Variants in ARHGEF28 observed in about 807,000 individuals in gnomAD.
The protein encoded by ARHGEF28 is 190 kDa guanine nucleotide exchange factor.
ARHGEF28 carries 152 observed loss-of-function variants against 206.6 expected under a neutral mutation model. The ratio of observed to expected loss-of-function variants is 0.74; its 90% CI spans 0.64 to 0.84. The LOEUF (loss-of-function observed/expected upper bound fraction) is 0.84, where lower values mean the gene tolerates loss of function less well. Among genes scored for constraint, ARHGEF28 ranks in the 40% least tolerant of loss-of-function variants. The pLI is 0.00. For missense variants in ARHGEF28, 2,028 were observed against 2,073.2 expected, an observed-to-expected ratio of 0.98 and a Z score of 0.42; for synonymous variants, 763 against 776.4, an observed-to-expected ratio of 0.98 and a Z score of 0.29.
At chr5:73,881,530 G>C (rs2973582) in intron 22 of ARHGEF28, among the ~76,000 whole-genome samples, 2 of 151,922 alleles carry the variant, frequency 1.3e-5, no homozygotes, top group African/African-American at 2.4e-5. Flanking sequence ...GTACCCAGGT[G>C]ATTTTTTTGA....
chr5:73,630,214 A>G (rs995092975), intron 1 of ARHGEF28, among the ~76,000 whole-genome samples: 2 of 152,236 alleles, frequency 1.3e-5, no homozygotes, highest in Non-Finnish European at 2.9e-5. Flanking sequence ...TTTTCAATTC[A>G]TTATCAAACA....
intron 35 of ARHGEF28, among the ~76,000 whole-genome samples, chr5:73,920,588 C>T (rs1411738126): frequency 1.8e-5 from 2 of 111,916 alleles, no homozygotes; most frequent in African/African-American, 6.9e-5. Context: ...CTCACTCTTT[C>T]GCCCAAGCTG....
chr5:73,760,999 G>A (rs543470834), intron 4 of ARHGEF28, among the ~76,000 whole-genome samples: 70 of 152,306 alleles, frequency 4.6e-4, no homozygotes, highest in African/African-American at 1.5e-3. Context: ...CGTAGAGTTG[G>A]ATTCCGGTCA....
At chr5:73,659,485 G>A (rs369559424) in intron 1 of ARHGEF28, among the ~76,000 whole-genome samples, 4 of 151,668 alleles carry the variant, frequency 2.6e-5, no homozygotes, top group East Asian at 1.9e-4. Context: ...AGCCGAGATC[G>A]GCCACTGCAC....
At chr5:73,644,817 G>A (rs1393179416) in intron 1 of ARHGEF28, among the ~76,000 whole-genome samples, 1 of 152,144 alleles carries the variant, frequency 6.6e-6, no homozygotes, top group Non-Finnish European at 1.5e-5. Context: ...TCTGGCAGGT[G>A]GGAGCTGGGA....
intron 9 of ARHGEF28, among the ~76,000 whole-genome samples, chr5:73,816,998 A>G (rs1213823616): frequency 6.6e-6 from 1 of 152,226 alleles, no homozygotes; most frequent in African/African-American, 2.4e-5. Context: ...AGGAGATTCA[A>G]TCAAGAAATG....
At chr5:73,807,464 G>A (rs930868624) in intron 9 of ARHGEF28, among the ~76,000 whole-genome samples, 10 of 151,642 alleles carry the variant, frequency 6.6e-5, no homozygotes, top group African/African-American at 2.4e-4. Flanking sequence ...TAACCAAATG[G>A]TGGAAGCTTT....
chr5:73,846,282 C>T lies in ARHGEF28; in HGVS notation c.1442C>T (p.Ala481Val). Reference sequence around the variant, plus strand: ...TTGTGCTTTAGTTCTAGCCTTGATGCCTTGGACGCCGACAGTGAAGGGGAA... The same window carrying T: ...TTGTGCTTTAGTTCTAGCCTTGATGTCTTGGACGCCGACAGTGAAGGGGAA... ...HLKKRSSSLD[A>V]LDADSEGEGH... Residue 481 changes from alanine (A) to valine (V), a missense_variant, in exon 12 of 36, where the codon GCC becomes GTC. By Grantham distance (64) the Ala-to-Val change is moderately conservative. This residue lies in a region of ARHGEF28 where 1,002 missense variants were observed against 1,015.3 expected (regional missense o/e 0.99). Coordinates refer to ENST00000513042, the MANE Select transcript of ARHGEF28 (RefSeq NM_001177693.2). 1 of 1,613,374 alleles carries T rather than the reference C, an allele frequency of 6.2e-7. No homozygotes were observed. The highest frequency in any genetic ancestry group is 1.3e-5 in the African/African-American group (1 of 74,964).
At chr5:73,722,240 A>G (rs1561357301) in intron 2 of ARHGEF28, among the ~76,000 whole-genome samples, 1 of 152,376 alleles carries the variant, frequency 6.6e-6, no homozygotes, top group Non-Finnish European at 1.5e-5. Context: ...ATTCTTGAAC[A>G]TCCATGACAT....
At chr5:73,885,387 C>T (rs181424789) in intron 24 of ARHGEF28, among the ~76,000 whole-genome samples, 134 of 152,176 alleles carry the variant, frequency 8.8e-4, no homozygotes, top group African/African-American at 2.9e-3. Context: ...TCAGCTGAAG[C>T]ACATTTAATC....
chr5:73,693,891 G>C (rs1748007550), intron 2 of ARHGEF28, among the ~76,000 whole-genome samples: 1 of 71,398 alleles, frequency 1.4e-5, no homozygotes, highest in African/African-American at 6.1e-5. Flanking sequence ...TTCTGAGGGG[G>C]CAAACAAATT....
intron 1 of ARHGEF28, among the ~76,000 whole-genome samples, chr5:73,628,348 C>A (rs755265600): frequency 5.9e-5 from 9 of 152,164 alleles, no homozygotes; most frequent in Non-Finnish European, 1.2e-4. Context: ...CAAGCTCCAA[C>A]AAGTCCTGCC....
At chr5:73,883,191 T>G (rs1392677352) in intron 23 of ARHGEF28, among the ~76,000 whole-genome samples, 1 of 152,178 alleles carries the variant, frequency 6.6e-6, no homozygotes, top group African/African-American at 2.4e-5. Flanking sequence ...GATTTATTTG[T>G]TGAAGAAATT....
intron 2 of ARHGEF28, among the ~76,000 whole-genome samples, chr5:73,718,197 A>T (rs115286293): frequency 0.012 from 1,887 of 152,262 alleles, 31 homozygotes; most frequent in African/African-American, 0.039. Flanking sequence ...TATGTATACT[A>T]GTTAGCAGGA....
intron 2 of ARHGEF28, among the ~76,000 whole-genome samples, chr5:73,699,051 C>A (rs543712575): frequency 6.6e-6 from 1 of 152,048 alleles, no homozygotes; most frequent in Non-Finnish European, 1.5e-5. Context: ...CTTAATTTTG[C>A]GAACCCTTTT....
intron 17 of ARHGEF28, 24 bp from the exon 18 acceptor site, chr5:73,865,941 T>C (rs1759677401): frequency 1.3e-6 from 2 of 1,516,538 alleles, no homozygotes; most frequent in South Asian, 1.2e-5. Context: ...TCTTACTTTA[T>C]GTGTTTCTAA....
chr5:73,764,722 G>A (rs371415735), intron 4 of ARHGEF28, among the ~76,000 whole-genome samples: 8 of 152,244 alleles, frequency 5.3e-5, no homozygotes, highest in Admixed American at 1.3e-4. Flanking sequence ...TTGGTCTTGC[G>A]CTCTGTGGAA....
chr5:73,740,176 CAAAAAAA>C (rs550677123), intron 2 of ARHGEF28, among the ~76,000 whole-genome samples: 2 of 86,016 alleles, frequency 2.3e-5, no homozygotes, highest in Admixed American at 1.3e-4. Flanking sequence ...GAACCTATCT[CAAAAAAA>C]AAAAAAAAAA....
chr5:73,917,553 A>G (rs1481820755), intron 35 of ARHGEF28, among the ~76,000 whole-genome samples: 2 of 152,214 alleles, frequency 1.3e-5, no homozygotes, highest in Non-Finnish European at 2.9e-5. Flanking sequence ...CAGGTTGGCT[A>G]TGTGAGCCAA....
Sources: allele counts gnomAD v4.1 joint callset (sites outside exome capture counted in the v4.1 genomes callset), GRCh38; gene constraint gnomAD v4.1.1; regional missense constraint gnomAD v4.1.1; transcripts MANE v1.5; gene names NCBI Gene and HGNC (gene_info 2026-07-23, HGNC 2026-07-21).